Variants in C1orf21 observed in about 807,000 individuals in gnomAD.
C1orf21 encodes the protein uncharacterized protein C1orf21.
Under a neutral mutation model 18.7 loss-of-function variants are expected in C1orf21, and 3 were observed. The ratio of observed to expected loss-of-function variants is 0.16; its 90% CI spans 0.07 to 0.42. The LOEUF (loss-of-function observed/expected upper bound fraction) is 0.42, where lower values mean the gene tolerates loss of function less well. Ranked by LOEUF, C1orf21 falls within the 10% of genes least tolerant of loss-of-function variation. C1orf21 has a pLI of 0.99. For missense variants in C1orf21, 104 were observed against 143.6 expected (o/e 0.72, Z 1.41); for synonymous variants, 41 against 46.4 (o/e 0.88, Z 0.47).
chr1:184,533,162 C>G (rs143457715), intron 3 of C1orf21, among the ~76,000 whole-genome samples: 262 of 152,184 alleles, frequency 1.7e-3, no homozygotes, highest in African/African-American at 6.0e-3. Flanking sequence ...CCCTCTGGCT[C>G]AAGCTCTGGC....
At chr1:184,399,145 C>G (rs2101956124) in intron 1 of C1orf21, among the ~76,000 whole-genome samples, 1 of 152,158 alleles carries the variant, frequency 6.6e-6, no homozygotes, top group South Asian at 2.1e-4. Flanking sequence ...CTATTTTTAT[C>G]TCTTTTCCTT....
intron 1 of C1orf21, among the ~76,000 whole-genome samples, chr1:184,462,320 G>T (rs1657319902): frequency 1.3e-5 from 2 of 152,208 alleles, no homozygotes; most frequent in Admixed American, 1.3e-4. Context: ...TGGCAACTTT[G>T]TGGCCTCTGG....
chr1:184,471,088 A>G (rs1180305657), intron 1 of C1orf21, among the ~76,000 whole-genome samples: 1 of 152,162 alleles, frequency 6.6e-6, no homozygotes, highest in Non-Finnish European at 1.5e-5. Context: ...GTCAACATAC[A>G]CAGGTAACAC....
chr1:184,435,448 A>G (rs967013359), intron 1 of C1orf21, among the ~76,000 whole-genome samples: 2 of 152,156 alleles, frequency 1.3e-5, no homozygotes, highest in African/African-American at 4.8e-5. Context: ...AGTGCAAGCA[A>G]TTCTCCTGCC....
At chr1:184,390,303 C>T (rs949518365) in intron 1 of C1orf21, among the ~76,000 whole-genome samples, 2 of 152,034 alleles carry the variant, frequency 1.3e-5, no homozygotes, top group Admixed American at 6.5e-5. Context: ...GGAATCCAGA[C>T]GCATCAAAGA....
At chr1:184,393,126 C>T (rs1388229805) in intron 1 of C1orf21, among the ~76,000 whole-genome samples, 2 of 152,108 alleles carry the variant, frequency 1.3e-5, no homozygotes, top group Non-Finnish European at 2.9e-5. Flanking sequence ...GTCAGGCTCC[C>T]TTCTGCTTCC....
chr1:184,395,680 G>A (rs1656040536), intron 1 of C1orf21, among the ~76,000 whole-genome samples: 1 of 152,046 alleles, frequency 6.6e-6, no homozygotes, highest in African/African-American at 2.4e-5. Context: ...CTGTTTAGTG[G>A]GAAGCAGACT....
chr1:184,578,081 C>T (rs534490841), intron 3 of C1orf21, among the ~76,000 whole-genome samples: 59 of 151,846 alleles, frequency 3.9e-4, no homozygotes, highest in African/African-American at 1.3e-3. Context: ...CTCAGCCTCC[C>T]GAATAGCTGA....
intron 2 of C1orf21, among the ~76,000 whole-genome samples, chr1:184,488,139 T>C (rs528622873): frequency 6.6e-6 from 1 of 152,350 alleles, no homozygotes; most frequent in South Asian, 2.1e-4. Context: ...TTTTAAGATA[T>C]GTGTGTTCCT....
rs151222949 is a variant in C1orf21, at chr1:184,565,803, C to T, written c.190-24936C>T. On this transcript the variant is annotated intron_variant, in intron 3 of 5. Coordinates refer to ENST00000235307, the MANE Select transcript of C1orf21 (RefSeq NM_030806.4). ...TCTGTAGTTTTCCATTGTGACCAAA[C>T]TTATACAGATCACTGTTGTTCAATA... Among the ~76,000 whole-genome samples, 6 of 152,344 alleles carry T rather than the reference C, an allele frequency of 3.9e-5. No individual in the cohort carries two copies. The East Asian group carries it at 1.2e-3, about 29-fold the overall frequency.
chr1:184,433,622 CATT>C (rs1156818853), intron 1 of C1orf21, among the ~76,000 whole-genome samples: 1 of 152,092 alleles, frequency 6.6e-6, no homozygotes, highest in East Asian at 1.9e-4. Flanking sequence ...TTAGTTGTCA[CATT>C]ATAAAATAGA....
Position 184,590,884 on chromosome 1 carries a change from T to C in C1orf21, c.266+69T>C, listed in dbSNP as rs41263672. On this transcript the variant is annotated intron_variant, in intron 4 of 5. Coordinates refer to ENST00000235307, the MANE Select transcript of C1orf21 (RefSeq NM_030806.4). ...ATCCATGGATTCTGCATCTGTGGATTCAACTACCCATGGATCAAAAATATT... is the reference window on the plus strand; with the variant it reads ...ATCCATGGATTCTGCATCTGTGGATCCAACTACCCATGGATCAAAAATATT... The C allele has an allele frequency of 6.3e-4, 838 of 1,334,756 alleles. 1 individual carries two copies. The Middle Eastern group carries it at 9.0e-3, about 14-fold the overall frequency. 82.7% of individuals were successfully genotyped at this position (1,334,756 alleles called of 1,614,324 possible).
intron 2 of C1orf21, among the ~76,000 whole-genome samples, chr1:184,503,095 A>G (rs1194673045): frequency 6.6e-6 from 1 of 151,492 alleles, no homozygotes; most frequent in Non-Finnish European, 1.5e-5. Flanking sequence ...AAAAAAAAAA[A>G]AAAAAAAGAT....
At chr1:184,529,653 T>C (rs939358206) in intron 3 of C1orf21, among the ~76,000 whole-genome samples, 3 of 151,812 alleles carry the variant, frequency 2.0e-5, no homozygotes, top group Non-Finnish European at 4.4e-5. Flanking sequence ...CAACGACAGA[T>C]AAGAAGATGG....
At chr1:184,596,726 C>T (rs1024541099) in intron 4 of C1orf21, among the ~76,000 whole-genome samples, 4 of 152,028 alleles carry the variant, frequency 2.6e-5, no homozygotes, top group African/African-American at 9.7e-5. Flanking sequence ...AAAAAATTAG[C>T]TGTACGTGGT....
intron 1 of C1orf21, among the ~76,000 whole-genome samples, chr1:184,411,537 T>TAA (rs1338109005): frequency 7.4e-5 from 11 of 147,794 alleles, no homozygotes; most frequent in African/African-American, 2.5e-4. Context: ...TTCTCCTGCC[T>TAA]CAGCCTCCCG....
Position 184,628,935 on chromosome 1 carries a change from TTATA to T in C1orf21, c.*9384_*9387del, listed in dbSNP as rs970482554. On this transcript the variant is annotated 3_prime_UTR_variant, in exon 6 of 6. Coordinates refer to ENST00000235307, the MANE Select transcript of C1orf21 (RefSeq NM_030806.4). The stretch of plus-strand genomic sequence containing the variant: ...GGTCTGAGAAAGTGTACAGGTCTAA[TTATA>T]TATACATATTTATACATGTGTATTT... The T allele has an allele frequency of 6.5e-6, 1 of 152,680 alleles. No homozygotes were observed. The highest frequency in any genetic ancestry group is 1.5e-5 in the Non-Finnish European group (1 of 68,044). The allele number at this position is 152,680 out of a possible 1,614,324, so 9.5% of individuals were successfully genotyped here.
chr1:184,465,558 G>A (rs1388438412), intron 1 of C1orf21, among the ~76,000 whole-genome samples: 3 of 151,790 alleles, frequency 2.0e-5, no homozygotes, highest in Non-Finnish European at 2.9e-5. Flanking sequence ...TGTTTTTATC[G>A]GCCTGTTCCT....
chr1:184,559,339 A>G (rs1026520213), intron 3 of C1orf21, among the ~76,000 whole-genome samples: 9 of 151,954 alleles, frequency 5.9e-5, no homozygotes, highest in Admixed American at 6.5e-5. Flanking sequence ...ACTTTCTGCC[A>G]TGAGTAAAAG....
Sources: gnomAD v4.1 joint callset for allele counts (sites outside exome capture counted in the v4.1 genomes callset) on GRCh38, gnomAD v4.1.1 for gene constraint, MANE v1.5 for transcripts, NCBI Gene and HGNC (gene_info 2026-07-23, HGNC 2026-07-21) for gene names.